Variants in AADACL4 observed in about 807,000 individuals in gnomAD.
AADACL4 encodes arylacetamide deacetylase like 4, also known as arylacetamide deacetylase-like 4.
Under a neutral mutation model 14.1 loss-of-function variants are expected in AADACL4, and 9 were observed. The ratio of observed to expected loss-of-function variants is 0.64; its 90% CI spans 0.39 to 1.12. The LOEUF is 1.12. AADACL4 is among the 50% of genes most tolerant of loss of function. AADACL4 has a pLI of 0.01. For synonymous variants in AADACL4, 188 were observed against 201.6 expected, an observed-to-expected ratio of 0.93 and a Z score of 0.57; for missense variants, 531 against 516.1, an observed-to-expected ratio of 1.03 and a Z score of -0.28.
chr1:12,661,754 C>T (rs1372681467), intron 2 of AADACL4, 37 bp from the exon 3 acceptor site: 4 of 1,607,754 alleles, frequency 2.5e-6, no homozygotes, highest in Non-Finnish European at 3.4e-6. Context: ...TTGGGTCCTA[C>T]TCATGCGCTG....
At position 12,666,028 on chromosome 1, in the gene AADACL4, T is replaced by C; in HGVS notation, c.517T>C (p.Phe173Leu). ...AGACTGCATGAATGCCTCCATTCACTTCCTGAAGGCCCTGGAAACCTATGG... is the reference window on the plus strand; with the variant it reads ...AGACTGCATGAATGCCTCCATTCACCTCCTGAAGGCCCTGGAAACCTATGG... ...FQDCMNASIH[F>L]LKALETYGVD... is the part of the protein sequence containing the mutation. Residue 173 changes from phenylalanine to leucine, a missense_variant, in exon 4 of 4, where the codon TTC becomes CTC. Physicochemically the swap from Phe to Leu is conservative, Grantham distance 22 (BLOSUM62 0). Coordinates refer to ENST00000376221, the MANE Select transcript of AADACL4 (RefSeq NM_001013630.2). The C allele has an allele frequency of 6.2e-7, 1 of 1,614,182 alleles. No homozygotes were observed. Among genetic ancestry groups the C allele is most frequent in the South Asian group, 1.1e-5 (1 of 91,076 alleles).
chr1:12,658,176 C>CTTTCTTTCTTTCTTTCTT (rs1557550946), intron 2 of AADACL4, among the ~76,000 whole-genome samples: 1 of 139,496 alleles, frequency 7.2e-6, no homozygotes, highest in African/African-American at 2.8e-5. Context: ...TTTTCTCTTT[C>CTTTCTTTCTTTCTTTCTT]TCTCTTTCTT....
In AADACL4 at chr1:12,666,956, C is replaced by T. The variant is rs181571653; in HGVS notation, c.*221C>T. On this transcript the variant is annotated 3_prime_UTR_variant, in exon 4 of 4. Transcript: ENST00000376221. Reference sequence around the variant, plus strand: ...TAACAATGTCCATTGCTGGATCTAGCGACATTCTCTAACATTCCCATTTAG... The same window carrying T: ...TAACAATGTCCATTGCTGGATCTAGTGACATTCTCTAACATTCCCATTTAG... 2.6e-4 allele frequency: 130 copies of T among 493,776 alleles called. No individual in the cohort carries two copies. Among genetic ancestry groups the T allele is most frequent in the South Asian group, 1.0e-3 (21 of 20,910 alleles). 30.6% of individuals were successfully genotyped at this position (493,776 alleles called of 1,614,324 possible). A position where few individuals can be genotyped will look rare whatever the true frequency, so the allele number is the denominator to read the frequency against.
intron 2 of AADACL4, among the ~76,000 whole-genome samples, chr1:12,654,986 C>G (rs1054141517): frequency 2.6e-5 from 4 of 152,132 alleles, no homozygotes; most frequent in African/African-American, 7.2e-5. Context: ...CAGCACCTTG[C>G]TTGGTGTCTG....
chr1:12,657,242 T>A lies in AADACL4; in HGVS notation c.386-4549T>A, dbSNP rs182284856. On this transcript the variant is annotated intron_variant, in intron 2 of 3. Transcript: ENST00000376221. ...TCTGCTTGTGACCCATCAGGGTGAA[T>A]TGGGTTTTCCAGACTGAGGGAAACA... 3.6e-4 allele frequency among the ~76,000 whole-genome samples: 55 copies of A among 151,156 alleles called. 1 individual carries two copies. Among genetic ancestry groups the A allele is most frequent in the Middle Eastern group, 7.0e-3 (2 of 286 alleles).
rs373040258 is a variant in AADACL4, at chr1:12,646,478, C to T, written c.168+1764C>T. ...TGTGCAGTGGCATCAATGCCACTGA[C>T]GCAAGGAGACAGGACAAGGATGTAG... On this transcript the variant is annotated intron_variant, in intron 1 of 3. Coordinates refer to ENST00000376221, the MANE Select transcript of AADACL4 (RefSeq NM_001013630.2). 1.4e-4 allele frequency among the ~76,000 whole-genome samples: 21 copies of T among 152,270 alleles called. 1 individual carries two copies. The Middle Eastern group carries it at 0.021, about 149-fold the overall frequency.
At chr1:12,652,278 G>A (rs530401260) in intron 2 of AADACL4, among the ~76,000 whole-genome samples, 197 of 152,190 alleles carry the variant, frequency 1.3e-3, no homozygotes, top group Non-Finnish European at 2.4e-3. Context: ...GTCCCAATAC[G>A]CGTCTATCTG....
chr1:12,657,608 G>A (rs913552965), intron 2 of AADACL4, among the ~76,000 whole-genome samples: 2 of 152,178 alleles, frequency 1.3e-5, no homozygotes, highest in Non-Finnish European at 2.9e-5. Context: ...GCAGACTCAA[G>A]AGAGACACGT....
At chr1:12,665,933 G>A (rs1250834200) in intron 3 of AADACL4, 28 bp from the exon 4 acceptor site, 3 of 1,580,870 alleles carry the variant, frequency 1.9e-6, no homozygotes, top group African/African-American at 2.7e-5. Context: ...CCACACTGGT[G>A]TAGTGTTGCT....
intron 1 of AADACL4, among the ~76,000 whole-genome samples, chr1:12,648,868 G>A (rs770056704): frequency 6.6e-6 from 1 of 152,162 alleles, no homozygotes; most frequent in African/African-American, 2.4e-5. Context: ...ATAGCTAGTG[G>A]CCATCACACG....
chr1:12,652,810 G>A (rs1244951404), intron 2 of AADACL4, among the ~76,000 whole-genome samples: 3 of 152,126 alleles, frequency 2.0e-5, no homozygotes, highest in Admixed American at 6.5e-5. Context: ...ACATAAGGAG[G>A]TCCTAGGAGA....
intron 2 of AADACL4, among the ~76,000 whole-genome samples, chr1:12,657,071 A>G (rs1647181948): frequency 7.1e-6 from 1 of 140,968 alleles, no homozygotes; most frequent in Admixed American, 7.5e-5. Flanking sequence ...TGAGCCCGGG[A>G]GGCAGAGGTT....
At chr1:12,651,616 C>T (rs1029248965) in intron 2 of AADACL4, among the ~76,000 whole-genome samples, 8 of 151,894 alleles carry the variant, frequency 5.3e-5, no homozygotes, top group African/African-American at 1.9e-4. Context: ...CTGTGGACTC[C>T]TCTCTCCCCT....
rs752533897 is a variant in AADACL4, at chr1:12,644,625, C to G, written c.79C>G (p.His27Asp). The change falls in exon 1 of 4, where the codon CAC (histidine) becomes GAC (aspartate). Residue 27 changes from histidine to aspartate, a missense_variant. Coordinates refer to ENST00000376221, the MANE Select transcript of AADACL4 (RefSeq NM_001013630.2). Reference sequence around the variant, plus strand: ...GGTCTTTGTCTGGGCTGTCTTTGAGCACTTCCTCACCACGGATATCCCTGC... The same window carrying G: ...GGTCTTTGTCTGGGCTGTCTTTGAGGACTTCCTCACCACGGATATCCCTGC... The part of the protein sequence containing the change: ...LGVFVWAVFE[H>D]FLTTDIPATL... 1 of 1,614,206 alleles carries G rather than the reference C, an allele frequency of 6.2e-7. No homozygotes were observed. The highest frequency in any genetic ancestry group is 1.1e-5 in the South Asian group (1 of 91,078).
At chr1:12,660,832 C>T (rs1415160878) in intron 2 of AADACL4, among the ~76,000 whole-genome samples, 4 of 152,018 alleles carry the variant, frequency 2.6e-5, no homozygotes, top group Non-Finnish European at 5.9e-5. Flanking sequence ...TTAGTAGAGA[C>T]GGGGTTTCAC....
Position 12,666,252 on chromosome 1 carries a change from G to T in AADACL4, c.741G>T (p.Lys247Asn), listed in dbSNP as rs1357416641. Residue 247 changes from lysine (K) to asparagine (N), a missense_variant, in exon 4 of 4, where the codon AAG becomes AAT. Physicochemically the swap from Lys to Asn is moderately conservative, Grantham distance 94 (BLOSUM62 0). Transcript: ENST00000376221. ...AAAATGTCCCATTACTTTCCCGGAA[G>T]TTCATGGTGACTTCTCTGTGTAACT... is the stretch of plus-strand genomic sequence containing the variant. ...QNQNVPLLSR[K>N]FMVTSLCNYL... 6.2e-7 allele frequency: 1 copy of T among 1,614,254 alleles called. No homozygotes were observed. Among genetic ancestry groups the T allele is most frequent in the Non-Finnish European group, 8.5e-7 (1 of 1,180,056 alleles).
intron 1 of AADACL4, among the ~76,000 whole-genome samples, chr1:12,649,623 T>C (rs1025170035): frequency 1.3e-5 from 2 of 152,158 alleles, no homozygotes; most frequent in Non-Finnish European, 2.9e-5. Flanking sequence ...ATTGGGGTAG[T>C]CCGTGCAACC....
chr1:12,660,382 C>T (rs1450119714), intron 2 of AADACL4, among the ~76,000 whole-genome samples: 2 of 152,130 alleles, frequency 1.3e-5, no homozygotes, highest in Non-Finnish European at 2.9e-5. Context: ...GCACCCAAGG[C>T]GATGTCTTGC....
intron 2 of AADACL4, among the ~76,000 whole-genome samples, chr1:12,655,196 G>A (rs2100762945): frequency 6.6e-6 from 1 of 152,308 alleles, no homozygotes; most frequent in Non-Finnish European, 1.5e-5. Flanking sequence ...CAGGGGTAAA[G>A]TAAAGCACTT....
Sources: gnomAD v4.1 joint callset for allele counts (sites outside exome capture counted in the v4.1 genomes callset) on GRCh38, gnomAD v4.1.1 for gene constraint, MANE v1.5 for transcripts, NCBI Gene and HGNC (gene_info 2026-07-23, HGNC 2026-07-21) for gene names.